Variants in FAT3 observed in about 807,000 individuals in gnomAD.
FAT3 encodes the protein protocadherin Fat 3.
FAT3 carries 95 observed loss-of-function variants against 310.2 expected under a neutral mutation model. The ratio of observed to expected loss-of-function variants is 0.31; its 90% CI spans 0.26 to 0.36. The LOEUF (loss-of-function observed/expected upper bound fraction) is 0.36, where lower values mean the gene tolerates loss of function less well. Ranked by LOEUF, FAT3 falls within the 10% of genes least tolerant of loss-of-function variation. FAT3 has a pLI of 1.00. For synonymous variants in FAT3, 2,314 were observed against 2,192.9 expected, an observed-to-expected ratio of 1.06 and a Z score of -1.54; for missense variants, 5,408 against 5,715.6, an observed-to-expected ratio of 0.95 and a Z score of 1.74.
chr11:92,274,704 G>A (rs1443711974), intron 1 of FAT3, among the ~76,000 whole-genome samples: 1 of 151,922 alleles, frequency 6.6e-6, no homozygotes, highest in African/African-American at 2.4e-5. Context: ...TACTAGTTTA[G>A]GGACAGAGCT....
chr11:92,321,523 T>C (rs968842591), intron 1 of FAT3, among the ~76,000 whole-genome samples: 2 of 152,158 alleles, frequency 1.3e-5, no homozygotes, highest in Admixed American at 1.3e-4. Flanking sequence ...AGTGGCATAA[T>C]TAAGATGATC....
At chr11:92,344,117 T>G (rs897046486) in intron 1 of FAT3, among the ~76,000 whole-genome samples, 1 of 152,204 alleles carries the variant, frequency 6.6e-6, no homozygotes, top group African/African-American at 2.4e-5. Context: ...ACCATGGAAC[T>G]TCATTTCTAA....
chr11:92,662,067 G>GATTAACATA (rs1405282403), intron 3 of FAT3, among the ~76,000 whole-genome samples: 1 of 152,120 alleles, frequency 6.6e-6, no homozygotes, highest in African/African-American at 2.4e-5. Flanking sequence ...ATCAGAATGA[G>GATTAACATA]ATTAACATAC....
intron 26 of FAT3, among the ~76,000 whole-genome samples, chr11:92,889,627 T>G (rs886381917): frequency 2.6e-5 from 4 of 152,228 alleles, no homozygotes; most frequent in African/African-American, 9.6e-5. Context: ...CACGTAACTT[T>G]TATTAGTAAC....
chr11:92,247,054 G>A (rs1316644464), intron 1 of FAT3, among the ~76,000 whole-genome samples: 1 of 152,082 alleles, frequency 6.6e-6, no homozygotes, highest in African/African-American at 2.4e-5. Flanking sequence ...AGAGACAGAA[G>A]GATTGGAAAT....
intron 3 of FAT3, among the ~76,000 whole-genome samples, chr11:92,695,932 G>A (rs570218854): frequency 2.6e-4 from 39 of 152,176 alleles, no homozygotes; most frequent in African/African-American, 5.3e-4. Flanking sequence ...GTGTAGTAAC[G>A]TACAGCTTGG....
At chr11:92,620,936 G>C (rs1448651678) in intron 3 of FAT3, among the ~76,000 whole-genome samples, 1 of 152,208 alleles carries the variant, frequency 6.6e-6, no homozygotes, top group African/African-American at 2.4e-5. Flanking sequence ...TCACATGACA[G>C]AGCAGAGAGA....
At chr11:92,510,732 A>G (rs1953263468) in intron 2 of FAT3, among the ~76,000 whole-genome samples, 1 of 152,184 alleles carries the variant, frequency 6.6e-6, no homozygotes, top group East Asian at 1.9e-4. Flanking sequence ...CTCCAAATAA[A>G]AGCTTGAATT....
intron 2 of FAT3, among the ~76,000 whole-genome samples, chr11:92,477,250 G>A (rs546310695): frequency 2.8e-4 from 42 of 152,210 alleles, no homozygotes; most frequent in Non-Finnish European, 5.9e-4. Context: ...AGATGACAAT[G>A]TAGATTTCAC....
intron 2 of FAT3, among the ~76,000 whole-genome samples, chr11:92,490,520 G>C (rs769188019): frequency 6.6e-6 from 1 of 152,092 alleles, no homozygotes; most frequent in Non-Finnish European, 1.5e-5. Flanking sequence ...TTTGTATGCT[G>C]TAAAGTGGTG....
chr11:92,598,854 A>G (rs1385633153), intron 3 of FAT3, among the ~76,000 whole-genome samples: 1 of 152,222 alleles, frequency 6.6e-6, no homozygotes, highest in Non-Finnish European at 1.5e-5. Flanking sequence ...AAGACCTGCT[A>G]TAACTGTTCT....
At chr11:92,260,882 G>A (rs968060048) in intron 1 of FAT3, among the ~76,000 whole-genome samples, 2 of 152,024 alleles carry the variant, frequency 1.3e-5, no homozygotes, top group African/African-American at 4.8e-5. Flanking sequence ...CCAACATGTA[G>A]GACATCAGAC....
intron 1 of FAT3, among the ~76,000 whole-genome samples, chr11:92,288,195 A>G (rs987473795): frequency 1.3e-5 from 2 of 152,180 alleles, no homozygotes; most frequent in African/African-American, 4.8e-5. Context: ...CCTGGAGGAC[A>G]TTATGCAAAG....
At chr11:92,328,267 T>C (rs1947816418) in intron 1 of FAT3, among the ~76,000 whole-genome samples, 2 of 152,166 alleles carry the variant, frequency 1.3e-5, no homozygotes, top group South Asian at 4.1e-4. Flanking sequence ...GCCAGATTAT[T>C]TGATTAAAGC....
chr11:92,670,493 A>C (rs1943092129), intron 3 of FAT3, among the ~76,000 whole-genome samples: 1 of 152,134 alleles, frequency 6.6e-6, no homozygotes, highest in South Asian at 2.1e-4. Flanking sequence ...TACTCAAATT[A>C]CCTCTGGGAG....
chr11:92,517,723 A>T (rs1020455175), intron 2 of FAT3, among the ~76,000 whole-genome samples: 1 of 152,206 alleles, frequency 6.6e-6, no homozygotes, highest in South Asian at 2.1e-4. Flanking sequence ...CCATCTATCC[A>T]TCTGACAAAG....
chr11:92,594,126 C>A (rs1939583222), intron 3 of FAT3, among the ~76,000 whole-genome samples: 1 of 152,124 alleles, frequency 6.6e-6, no homozygotes, highest in Non-Finnish European at 1.5e-5. Flanking sequence ...GATATCCATC[C>A]TGTAACGTAC....
rs1398720067 is a variant in FAT3, at chr11:92,354,147, A to G, written c.2035A>G (p.Lys679Glu). Residue 679 changes from lysine to glutamate, a missense_variant, in exon 2 of 28, where the codon AAG becomes GAG. Coordinates refer to ENST00000525166, the MANE Select transcript of FAT3 (RefSeq NM_001367949.2). Reference sequence around the variant, plus strand: ...AGTCCTACATGGGAAAGTGTCTTCAAAGAGCTTCAGTTGCAGAGAAACTCG... The same window carrying G: ...AGTCCTACATGGGAAAGTGTCTTCAGAGAGCTTCAGTTGCAGAGAAACTCG... ...ISVLHGKVSS[K>E]SFSCRETRVA... 3.7e-6 allele frequency: 6 copies of G among 1,613,768 alleles called. No individual in the cohort carries two copies. In the Admixed American group the frequency reaches 1.0e-4, roughly 27 times the overall value.
intron 22 of FAT3, among the ~76,000 whole-genome samples, chr11:92,869,936 G>C (rs576533294): frequency 2.0e-5 from 3 of 152,200 alleles, no homozygotes; most frequent in Non-Finnish European, 2.9e-5. Context: ...ATTTGGGCTA[G>C]AGATAGTAGA....
Sources: allele counts gnomAD v4.1 joint callset (sites outside exome capture counted in the v4.1 genomes callset), GRCh38; gene constraint gnomAD v4.1.1; transcripts MANE v1.5; gene names NCBI Gene and HGNC (gene_info 2026-07-23, HGNC 2026-07-21).